The following ANKRD1 variants were observed in gnomAD, a reference collection of about 807,000 sequenced individuals.
ANKRD1 encodes ankyrin repeat domain-containing protein 1.
In ANKRD1, 32 loss-of-function variants were observed where a neutral mutation model predicts 40.1. The ratio of observed to expected loss-of-function variants is 0.80; its 90% CI spans 0.60 to 1.07. The LOEUF (loss-of-function observed/expected upper bound fraction) is 1.07, where lower values mean the gene tolerates loss of function less well. Among genes scored for constraint, ANKRD1 ranks in the 50% least tolerant of loss-of-function variants. The pLI, the probability that ANKRD1 is intolerant of heterozygous loss-of-function variation, is 0.00. For missense variants in ANKRD1, 359 were observed against 386.0 expected (o/e 0.93, Z 0.59); for synonymous variants, 149 against 141.2 (o/e 1.06, Z -0.39).
intron 4 of ANKRD1, 130 bp from the exon 5 acceptor site, chr10:90,917,960 G>A (rs1050874986): frequency 2.8e-6 from 2 of 725,864 alleles, no homozygotes; most frequent in Non-Finnish European, 4.6e-6. Flanking sequence ...TTTATGAATA[G>A]AAATGTCAAA....
chr10:90,921,021 C>T lies in ANKRD1; in HGVS notation c.7G>A (p.Val3Ile). The T allele has an allele frequency of 6.2e-7, 1 of 1,613,984 alleles. No homozygotes were observed. The highest frequency in any genetic ancestry group is 8.5e-7 in the Non-Finnish European group (1 of 1,179,908). MM[V>I]LKVEELVTGK... ...CATACCAGTTCCTCTACTTTCAGTA[C>T]CATCATGTTGGCTGAAGGAGTCTTG... Residue 3 changes from valine to isoleucine, a missense_variant, in exon 1 of 9, where the codon GTA becomes ATA. Val to Ile is a conservative substitution (Grantham distance 29, BLOSUM62 3). Transcript: ENST00000371697.
intron 2 of ANKRD1, among the ~76,000 whole-genome samples, chr10:90,919,958 T>G (rs747099986): frequency 8.5e-5 from 13 of 152,234 alleles, no homozygotes; most frequent in Non-Finnish European, 1.8e-4. Flanking sequence ...TCACAGCACA[T>G]TTATTCATTG....
chr10:90,919,408 C>G, intron 2 of ANKRD1, 140 bp from the exon 3 acceptor site: 3 of 700,564 alleles, frequency 4.3e-6, no homozygotes, highest in Non-Finnish European at 6.8e-6. Flanking sequence ...TTATATAAAT[C>G]TTTGACTTCA....
chr10:90,916,070 G>GA, intron 6 of ANKRD1, 101 bp downstream of exon 6: 1 of 435,058 alleles, frequency 2.3e-6, no homozygotes, highest in Non-Finnish European at 4.2e-6. Context: ...GCGGGTGGGG[G>GA]AGAAGGAGGA....
chr10:90,914,733 A>G (rs186506077), intron 8 of ANKRD1, among the ~76,000 whole-genome samples: 2 of 13,764 alleles, frequency 1.5e-4, no homozygotes, highest in African/African-American at 7.1e-4. Flanking sequence ...CCCCCCCCCC[A>G]CTCTTTTTTG....
chr10:90,916,723 C>G (rs1357180712), intron 5 of ANKRD1, among the ~76,000 whole-genome samples: 1 of 152,222 alleles, frequency 6.6e-6, no homozygotes, highest in African/African-American at 2.4e-5. Flanking sequence ...GAACTTCTAA[C>G]TTCTTTTGTC....
intron 4 of ANKRD1, among the ~76,000 whole-genome samples, chr10:90,918,258 A>G (rs776695060): frequency 6.6e-6 from 1 of 152,198 alleles, no homozygotes; most frequent in Non-Finnish European, 1.5e-5. Context: ...GTTCAACTTC[A>G]GAAGCGGTCC....
intron 5 of ANKRD1, among the ~76,000 whole-genome samples, chr10:90,916,713 G>A (rs1847377656): frequency 1.3e-5 from 2 of 152,172 alleles, no homozygotes. Flanking sequence ...CCTCTGCCTG[G>A]AACTTCTAAC....
chr10:90,918,855 T>G lies in ANKRD1; in HGVS notation c.453+10A>C. The G allele has an allele frequency of 8.8e-6, 14 of 1,590,874 alleles. No individual in the cohort carries two copies. The highest frequency in any genetic ancestry group is 1.1e-5 in the Non-Finnish European group (13 of 1,161,386). ...GAGCTGGATTTTGCAGTGCTTTGCA[T>G]GAGTCTTACCTCATCACAAACATCT... On this transcript the variant is annotated intron_variant, in intron 4 of 8. Transcript: ENST00000371697.
chr10:90,920,474 C>T (rs995293788), intron 1 of ANKRD1, 126 bp from the exon 2 acceptor site: 2 of 982,470 alleles, frequency 2.0e-6, no homozygotes, highest in Non-Finnish European at 3.2e-6. Context: ...GCAGTGCACT[C>T]TCAGATCTCA....
At chr10:90,919,918 G>A (rs1053851557) in intron 2 of ANKRD1, among the ~76,000 whole-genome samples, 3 of 152,174 alleles carry the variant, frequency 2.0e-5, no homozygotes, top group Non-Finnish European at 2.9e-5. Flanking sequence ...GGAATTCACT[G>A]GACATGTGTA....
chr10:90,919,376 G>A (rs182338886), intron 2 of ANKRD1, 108 bp from the exon 3 acceptor site: 554 of 944,954 alleles, frequency 5.9e-4, no homozygotes, highest in Admixed American at 1.5e-3. Flanking sequence ...TGAACAGTTT[G>A]AGCAAAAACA....
At chr10:90,920,140 T>A (rs748410695) in intron 2 of ANKRD1, 29 bp downstream of exon 2, 1 of 1,612,622 alleles carries the variant, frequency 6.2e-7, no homozygotes, top group South Asian at 1.1e-5. Context: ...CCCAACATCC[T>A]ACTAGTGGAT....
chr10:90,920,449 A>G, intron 1 of ANKRD1, 101 bp from the exon 2 acceptor site: 1 of 1,317,848 alleles, frequency 7.6e-7, no homozygotes, highest in Non-Finnish European at 1.1e-6. Flanking sequence ...CTCCCCTGGG[A>G]ACAGCCACCT....
Position 90,919,226 on chromosome 10 carries a change from A to C in ANKRD1, c.250T>G (p.Leu84Val). Reference sequence around the variant, plus strand: ...TGAATGATTATTTCAAGGTCTTCTAAATTTTCAAGCTTTGATCTTTGTTCT... The same window carrying C: ...TGAATGATTATTTCAAGGTCTTCTACATTTTCAAGCTTTGATCTTTGTTCT... ...KLEQRSKLEN[L>V]EDLEIIIQLK... The change falls in exon 3 of 9, where the codon TTA becomes GTA. Residue 84 changes from leucine (L) to valine (V), a missense_variant. Coordinates refer to ENST00000371697, the MANE Select transcript of ANKRD1 (RefSeq NM_014391.3). The C allele has an allele frequency of 6.2e-7, 1 of 1,610,060 alleles. No homozygotes were observed. The highest frequency in any genetic ancestry group is 8.5e-7 in the Non-Finnish European group (1 of 1,178,616).
rs762660319 is a variant in ANKRD1 at position 90,920,179 on chromosome 10, CGTT to C, written c.194_196del (p.Gln65del). ...ACAGATGGCTCTCACCTCTGCCTCT[CGTT>C]GTTTCTCGCTTTTCCACTGTTGCTC... is the stretch of plus-strand genomic sequence containing the variant. On this transcript the variant is annotated inframe_deletion, in exon 2 of 9. Coordinates refer to ENST00000371697, the MANE Select transcript of ANKRD1 (RefSeq NM_014391.3). The C allele has an allele frequency of 7.4e-6, 12 of 1,613,664 alleles. No homozygotes were observed. The African/African-American group carries it at 8.0e-5, about 11-fold the overall frequency.
intron 4 of ANKRD1, among the ~76,000 whole-genome samples, chr10:90,918,043 A>C (rs1256280268): frequency 1.3e-5 from 2 of 152,224 alleles, no homozygotes; most frequent in Admixed American, 1.3e-4. Flanking sequence ...ATACATTTCC[A>C]AGGGCTCAAA....
intron 1 of ANKRD1, 146 bp downstream of exon 1, chr10:90,920,852 TCAC>T: frequency 4.2e-6 from 3 of 720,040 alleles, no homozygotes; most frequent in Non-Finnish European, 7.0e-6. Context: ...TTTTCCAATT[TCAC>T]TTGTTTCATC....
Position 90,915,810 on chromosome 10 carries a change from C to CGA in ANKRD1, c.721_722insTC (p.Cys241PhefsTer21). ...GTCTTTGGCGTTGAGGTCTGCCTCA[C>CGA]AGGCGATAAGATGCTCCGCGCACTC... On this transcript the variant is annotated frameshift_variant, in exon 7 of 9. Transcript: ENST00000371697. LOFTEE classifies it high-confidence loss of function. 1.2e-6 allele frequency: 2 copies of CGA among 1,613,878 alleles called. No homozygotes were observed. Among genetic ancestry groups the CGA allele is most frequent in the Non-Finnish European group, 1.7e-6 (2 of 1,179,972 alleles).
Sources: allele counts gnomAD v4.1 joint callset (sites outside exome capture counted in the v4.1 genomes callset), GRCh38; gene constraint gnomAD v4.1.1; transcripts MANE v1.5; gene names NCBI Gene and HGNC (gene_info 2026-07-23, HGNC 2026-07-21).